RASGRP3: variants seen among roughly 807,000 people sequenced by gnomAD.
RASGRP3 encodes RAS guanyl releasing protein 3.
Under a neutral mutation model 82.7 loss-of-function variants are expected in RASGRP3, and 54 were observed. That is an observed-to-expected ratio of 0.65 (90% CI 0.52 to 0.82). The LOEUF (loss-of-function observed/expected upper bound fraction) is 0.82, where lower values mean the gene tolerates loss of function less well. Among genes scored for constraint, RASGRP3 ranks in the 40% least tolerant of loss-of-function variants. The pLI is 0.00. For synonymous variants in RASGRP3, 309 were observed against 300.5 expected (o/e 1.03, Z -0.29); for missense variants, 861 against 828.9 (o/e 1.04, Z -0.48).
chr2:33,529,487 C>CAAAAGAAAAAAAAAAAA (rs1672898228), intron 10 of RASGRP3, among the ~76,000 whole-genome samples: 1 of 57,028 alleles, frequency 1.8e-5, no homozygotes. Context: ...GACTCCATCT[C>CAAAAGAAAAAAAAAAAA]AAAAAAAAAA....
At chr2:33,507,445 T>C (rs919862054) in intron 1 of RASGRP3, among the ~76,000 whole-genome samples, 4 of 152,026 alleles carry the variant, frequency 2.6e-5, no homozygotes, top group Admixed American at 2.6e-4. Flanking sequence ...GAAAGCCTAG[T>C]GGGGAAGGTG....
At chr2:33,474,943 G>T (rs1033746654), upstream of RASGRP3, among the ~76,000 whole-genome samples, 1 of 152,184 alleles carries the variant, frequency 6.6e-6, no homozygotes, top group African/African-American at 2.4e-5. Flanking sequence ...GCATGCAATG[G>T]ATCATCAGAA....
At chr2:33,458,660 G>A (rs6728969) in intron 2 of RASGRP3, among the ~76,000 whole-genome samples, 126,751 of 152,172 alleles carry the variant, frequency 0.83, 53,042 homozygotes, top group African/African-American at 0.87. Flanking sequence ...GGGCTCTTCA[G>A]TTACCAAGGC....
At chr2:33,560,263 CTG>C (rs1290516722) in intron 17 of RASGRP3, among the ~76,000 whole-genome samples, 2 of 152,150 alleles carry the variant, frequency 1.3e-5, no homozygotes, top group East Asian at 3.8e-4. Context: ...AATTTATTTT[CTG>C]TCTCTATAGA....
At chr2:33,518,782 G>A (rs1171238875) in intron 4 of RASGRP3, among the ~76,000 whole-genome samples, 2 of 151,774 alleles carry the variant, frequency 1.3e-5, no homozygotes, top group Non-Finnish European at 2.9e-5. Flanking sequence ...CTAGGTTTAG[G>A]TTTACACAGG....
At chr2:33,506,467 T>G (rs1269593356) in intron 1 of RASGRP3, among the ~76,000 whole-genome samples, 2 of 152,184 alleles carry the variant, frequency 1.3e-5, no homozygotes, top group African/African-American at 4.8e-5. Flanking sequence ...GTTAAAAGAT[T>G]GAAAGATAAC....
At chr2:33,479,288 G>A (rs1026904751) in intron 1 of RASGRP3, among the ~76,000 whole-genome samples, 2 of 152,150 alleles carry the variant, frequency 1.3e-5, no homozygotes, top group Admixed American at 6.5e-5. Flanking sequence ...TTCAGTGACG[G>A]TCTTGATGTT....
chr2:33,511,609 C>T (rs528187113), intron 1 of RASGRP3, 101 bp from the exon 2 acceptor site: 1 of 152,716 alleles, frequency 6.5e-6, no homozygotes, highest in South Asian at 2.1e-4. Context: ...CAAATACCAC[C>T]TATAACTCAA....
intron 6 of RASGRP3, among the ~76,000 whole-genome samples, chr2:33,521,011 T>C (rs905355164): frequency 4.6e-5 from 7 of 152,234 alleles, no homozygotes; most frequent in Non-Finnish European, 1.0e-4. Flanking sequence ...TTAATGTCTC[T>C]TACACCTTCA....
chr2:33,559,546 C>G (rs1676412459), intron 17 of RASGRP3: 2 of 507,884 alleles, frequency 3.9e-6, no homozygotes, highest in Admixed American at 4.0e-5. Flanking sequence ...CCAGGCTCTG[C>G]CTCCGCATGA....
chr2:33,481,169 T>G (rs1667857562), intron 1 of RASGRP3: 1 of 152,736 alleles, frequency 6.5e-6, no homozygotes, highest in African/African-American at 2.4e-5. Context: ...TTTTGTTTTG[T>G]TTTTGTTTTT....
intron 10 of RASGRP3, among the ~76,000 whole-genome samples, chr2:33,531,264 A>G (rs1205680937): frequency 6.6e-6 from 1 of 152,238 alleles, no homozygotes; most frequent in African/African-American, 2.4e-5. Flanking sequence ...TCAGAAAAAA[A>G]CAGCCAGGCT....
At position 33,442,914 on chromosome 2, in the gene RASGRP3, T is replaced by C. The variant is rs76682616; in HGVS notation, c.-384-4906T>C. ...TTTTTTTTTCTTTTTTACCAGCAGT[T>C]ACACAATTCTTTGCTGGCAGCAATG... On this transcript the variant is annotated intron_variant, in intron 1 of 18. Coordinates refer to the RASGRP3 transcript ENST00000402538. Among the ~76,000 whole-genome samples the C allele has an allele frequency of 7.7e-3, 1,167 of 151,868 alleles. 15 individuals carry two copies. Among genetic ancestry groups the C allele is most frequent in the African/African-American group, 0.027 (1,099 of 41,412 alleles).
chr2:33,438,235 G>C (rs555786418), intron 1 of RASGRP3, among the ~76,000 whole-genome samples: 9 of 152,302 alleles, frequency 5.9e-5, no homozygotes, highest in Admixed American at 3.9e-4. Flanking sequence ...GCTCATTGCT[G>C]GTCATTGGTT....
At chr2:33,554,826 C>A (rs1675762715) in intron 14 of RASGRP3, among the ~76,000 whole-genome samples, 1 of 152,078 alleles carries the variant, frequency 6.6e-6, no homozygotes, top group Admixed American at 6.5e-5. Context: ...GCGAAGACAC[C>A]ACCACCAGGA....
At chr2:33,483,749 A>G (rs1668135690) in intron 1 of RASGRP3, among the ~76,000 whole-genome samples, 1 of 152,160 alleles carries the variant, frequency 6.6e-6, no homozygotes, top group Non-Finnish European at 1.5e-5. Context: ...TCGGCCTCCC[A>G]AAGTGCTGGG....
intron 17 of RASGRP3, among the ~76,000 whole-genome samples, chr2:33,559,406 G>A (rs190320896): frequency 3.3e-5 from 5 of 152,314 alleles, no homozygotes; most frequent in African/African-American, 1.2e-4. Context: ...AAGAAAGGCA[G>A]TAGAAGCAAA....
In RASGRP3 at chr2:33,558,579, T is replaced by C. The variant is rs555338273; in HGVS notation, c.1706-93T>C. 7.1e-5 allele frequency: 87 copies of C among 1,221,516 alleles called. No homozygotes were observed. In the African/African-American group the frequency reaches 9.1e-4, roughly 13 times the overall value. 75.7% of individuals were successfully genotyped at this position (1,221,516 alleles called of 1,614,324 possible). A position where few individuals can be genotyped will look rare whatever the true frequency, so the allele number is the denominator to read the frequency against. ...GTCCCTTGTCGGTTCCTCTAGAATG[T>C]TGCATGCCAGACTCGTGCTGTTTGC... is the stretch of plus-strand genomic sequence containing the variant. On this transcript the variant is annotated intron_variant, in intron 16 of 17. Transcript: ENST00000403687.
In RASGRP3 at chr2:33,558,208, C is replaced by A. The variant is rs769273189; in HGVS notation, c.1580-3C>A. The A allele has an allele frequency of 1.9e-6, 3 of 1,609,782 alleles. No individual in the cohort carries two copies. Among genetic ancestry groups the A allele is most frequent in the Non-Finnish European group, 2.5e-6 (3 of 1,178,046 alleles). On this transcript the variant is annotated splice_region_variant and splice_polypyrimidine_tract_variant and intron_variant, in intron 15 of 17. Coordinates refer to ENST00000403687, the MANE Select transcript of RASGRP3 (RefSeq NM_001139488.2). Reference sequence around the variant, plus strand: ...CATCTGCGACACCCTTGGAATTTTTCAGACTGTGGAGCCAATTGTCACAAA... The same window carrying A: ...CATCTGCGACACCCTTGGAATTTTTAAGACTGTGGAGCCAATTGTCACAAA...
Sources: gnomAD v4.1 joint callset for allele counts (sites outside exome capture counted in the v4.1 genomes callset) on GRCh38, gnomAD v4.1.1 for gene constraint, MANE v1.5 for transcripts, NCBI Gene and HGNC (gene_info 2026-07-23, HGNC 2026-07-21) for gene names.